The following DLGAP1 variants were observed in gnomAD, a reference collection of about 807,000 sequenced individuals.
DLGAP1 encodes the protein DLG associated protein 1.
DLGAP1 carries 11 observed loss-of-function variants against 90.8 expected under a neutral mutation model. That is an observed-to-expected ratio of 0.12 (90% CI 0.08 to 0.20). The LOEUF (loss-of-function observed/expected upper bound fraction) is 0.20. DLGAP1 is among the 10% of genes least tolerant of loss of function. The pLI, the probability that DLGAP1 is intolerant of heterozygous loss-of-function variation, is 1.00. For synonymous variants in DLGAP1, 558 were observed against 540.7 expected (o/e 1.03, Z -0.44); for missense variants, 1,050 against 1,333.8 (o/e 0.79, Z 3.31).
chr18:3,553,575 C>T (rs577791195), intron 9 of DLGAP1, among the ~76,000 whole-genome samples: 2 of 152,074 alleles, frequency 1.3e-5, no homozygotes, highest in South Asian at 2.1e-4. Context: ...ACTCTGTCGC[C>T]CAGGATGGAG....
At chr18:4,355,742 C>CTTTT (rs56040788) in intron 1 of DLGAP1, among the ~76,000 whole-genome samples, 7 of 124,702 alleles carry the variant, frequency 5.6e-5, no homozygotes, top group Non-Finnish European at 1.0e-4. Flanking sequence ...AATCCGGGAT[C>CTTTT]TTTTTTTTTT....
At chr18:3,626,006 G>A (rs535500780) in intron 7 of DLGAP1, among the ~76,000 whole-genome samples, 5 of 152,174 alleles carry the variant, frequency 3.3e-5, no homozygotes, top group Admixed American at 6.5e-5. Context: ...TGTGGGAGAT[G>A]AAAATGTGGC....
At chr18:3,648,344 C>A (rs2059190548) in intron 7 of DLGAP1, among the ~76,000 whole-genome samples, 1 of 152,094 alleles carries the variant, frequency 6.6e-6, no homozygotes, top group African/African-American at 2.4e-5. Context: ...ACAGCTGTGG[C>A]AATATTTACG....
At chr18:4,010,949 G>A (rs2074406813) in intron 2 of DLGAP1, among the ~76,000 whole-genome samples, 1 of 151,880 alleles carries the variant, frequency 6.6e-6, no homozygotes, top group South Asian at 2.1e-4. Flanking sequence ...GCCGAGGCGA[G>A]TAGATCACCT....
chr18:3,893,370 A>C (rs761196867), intron 3 of DLGAP1, among the ~76,000 whole-genome samples: 56 of 152,042 alleles, frequency 3.7e-4, no homozygotes, highest in South Asian at 1.0e-3. Flanking sequence ...TGAGGTCAGG[A>C]GTTCGAGACC....
chr18:4,160,146 C>A (rs187426606), intron 1 of DLGAP1, among the ~76,000 whole-genome samples: 27 of 152,240 alleles, frequency 1.8e-4, no homozygotes, highest in Admixed American at 5.9e-4. Context: ...AATAAAAATC[C>A]TTTTCCCTAA....
chr18:4,425,327 T>C (rs541105307), intron 1 of DLGAP1, among the ~76,000 whole-genome samples: 2 of 46,558 alleles, frequency 4.3e-5, no homozygotes, highest in African/African-American at 8.5e-5. Flanking sequence ...TGACTAACCA[T>C]GTTCATGCTT....
rs1167782038 is a variant in DLGAP1 at position 3,729,556 on chromosome 18, A to C, written c.1351-181T>G. On this transcript the variant is annotated intron_variant, in intron 6 of 12. Transcript: ENST00000315677. This position sits in a 1 kb window ranked among gnomAD's most constrained non-coding sequence, Gnocchi z 6.2. ...TGAATGGCATCCGCTTATAATTCCA[A>C]ACAATAGATTACTTTTTTTTTCTTG... Among the ~76,000 whole-genome samples the C allele has an allele frequency of 6.7e-6, 1 of 150,228 alleles. No individual in the cohort carries two copies. The highest frequency in any genetic ancestry group is 1.5e-5 in the Non-Finnish European group (1 of 68,028).
intron 3 of DLGAP1, among the ~76,000 whole-genome samples, chr18:3,930,532 A>C (rs1168060875): frequency 1.3e-5 from 2 of 152,110 alleles, no homozygotes; most frequent in African/African-American, 4.8e-5. Context: ...CGTGTCCTGC[A>C]ATAGGAAGGG....
intron 3 of DLGAP1, among the ~76,000 whole-genome samples, chr18:3,928,911 G>A (rs1409337560): frequency 2.0e-5 from 3 of 152,090 alleles, no homozygotes; most frequent in Non-Finnish European, 2.9e-5. Flanking sequence ...TTGGCTTATC[G>A]AGGTGGTTTC....
chr18:3,730,702 T>C (rs575425211), intron 6 of DLGAP1, among the ~76,000 whole-genome samples: 74 of 152,310 alleles, frequency 4.9e-4, no homozygotes, highest in Middle Eastern at 3.4e-3. Flanking sequence ...GCTCCAGTAA[T>C]GACTAATTTC....
At chr18:3,549,308 C>T (rs1391609424) in intron 9 of DLGAP1, among the ~76,000 whole-genome samples, 4 of 151,542 alleles carry the variant, frequency 2.6e-5, no homozygotes, top group African/African-American at 9.7e-5. Context: ...ACCTTTCCAA[C>T]ACTCCTATTC....
At chr18:4,263,581 T>A (rs2079045562) in intron 1 of DLGAP1, among the ~76,000 whole-genome samples, 1 of 152,198 alleles carries the variant, frequency 6.6e-6, no homozygotes, top group Non-Finnish European at 1.5e-5. Flanking sequence ...GAAAAATACT[T>A]CCATTAAATG....
At chr18:3,747,372 A>G (rs1422869769) in intron 5 of DLGAP1, among the ~76,000 whole-genome samples, 1 of 152,218 alleles carries the variant, frequency 6.6e-6, no homozygotes, top group Non-Finnish European at 1.5e-5. Flanking sequence ...CAACCAACAA[A>G]CAAACTGAAA....
chr18:4,173,185 T>C (rs1360704041), intron 1 of DLGAP1, among the ~76,000 whole-genome samples: 5 of 152,228 alleles, frequency 3.3e-5, no homozygotes, highest in African/African-American at 7.2e-5. Flanking sequence ...GGATGAAACA[T>C]TAGCTGAAGA....
In DLGAP1 at chr18:4,405,597, TGA is replaced by T. The variant is rs2082645260; in HGVS notation, c.-267+49407_-267+49408del. Among the ~76,000 whole-genome samples the T allele has an allele frequency of 2.0e-5, 3 of 152,020 alleles. No homozygotes were observed. In the South Asian group the frequency reaches 6.2e-4, roughly 32 times the overall value. ...TATGCATAATGATAAAAATAGACAG[TGA>T]GAGGGGACACAATACGTCCCTATTG... is the stretch of plus-strand genomic sequence containing the variant. On this transcript the variant is annotated intron_variant, in intron 1 of 12. Coordinates refer to ENST00000315677, the MANE Select transcript of DLGAP1 (RefSeq NM_004746.4).
At position 4,299,767 on chromosome 18, in the gene DLGAP1, G is replaced by A. The variant is rs929186518; in HGVS notation, c.-266-148480C>T. Among the ~76,000 whole-genome samples the A allele has an allele frequency of 3.9e-5, 6 of 152,236 alleles. No homozygotes were observed. The East Asian group carries it at 5.8e-4, about 15-fold the overall frequency. ...TATCAAGTATCAGGTCTTAATGGCT[G>A]TAAAATATTCCCATAAACTATAATT... On this transcript the variant is annotated intron_variant, in intron 1 of 12. Coordinates refer to ENST00000315677, the MANE Select transcript of DLGAP1 (RefSeq NM_004746.4).
chr18:3,944,392 A>G (rs1308483197), intron 3 of DLGAP1, among the ~76,000 whole-genome samples: 1 of 152,170 alleles, frequency 6.6e-6, no homozygotes, highest in African/African-American at 2.4e-5. Context: ...GCTACTCAGG[A>G]GGCTAAGGCA....
At chr18:4,265,858 T>A (rs944673466) in intron 1 of DLGAP1, among the ~76,000 whole-genome samples, 18 of 151,334 alleles carry the variant, frequency 1.2e-4, no homozygotes, top group East Asian at 1.9e-4. Context: ...TGGCTACTTT[T>A]TTTGTTTTTT....
Sources: gnomAD v4.1 joint callset for allele counts (sites outside exome capture counted in the v4.1 genomes callset) on GRCh38, gnomAD v4.1.1 for gene constraint, Gnocchi (gnomAD v3.1) non-coding constraint, MANE v1.5 for transcripts, NCBI Gene and HGNC (gene_info 2026-07-23, HGNC 2026-07-21) for gene names.